Variants in SDK1 observed in about 807,000 individuals in gnomAD.
The protein encoded by SDK1 is protein sidekick-1.
Under a neutral mutation model 245.5 loss-of-function variants are expected in SDK1, and 157 were observed. That is an observed-to-expected ratio of 0.64 (90% CI 0.56 to 0.73). The LOEUF is 0.73. Among genes scored for constraint, SDK1 ranks in the 30% least tolerant of loss-of-function variants. SDK1 has a pLI of 0.00. For synonymous variants in SDK1, 1,647 were observed against 1,278.5 expected (o/e 1.29, Z -6.15); for missense variants, 3,583 against 3,002.3 (o/e 1.19, Z -4.52).
At chr7:3,669,552 C>A (rs746195792) in intron 4 of SDK1, among the ~76,000 whole-genome samples, 10 of 152,064 alleles carry the variant, frequency 6.6e-5, no homozygotes, top group Admixed American at 3.9e-4. Flanking sequence ...CTCATTTTTT[C>A]TGGCTCTCTT....
At chr7:3,319,878 C>CTTTTTTTTTTTTTTTTTTTTTTTTTTTTG in intron 1 of SDK1, among the ~76,000 whole-genome samples, 1 of 88,100 alleles carries the variant, frequency 1.1e-5, no homozygotes. Context: ...CATTCTTAGT[C>CTTTTTTTTTTTTTTTTTTTTTTTTTTTTG]TTTTTTTTTT....
At chr7:3,787,183 C>CACAT in intron 4 of SDK1, among the ~76,000 whole-genome samples, 1 of 151,724 alleles carries the variant, frequency 6.6e-6, no homozygotes, top group South Asian at 2.1e-4. Context: ...CACACACACA[C>CACAT]ACACTCCCAT....
At chr7:3,507,536 G>A (rs1562528923) in intron 1 of SDK1, among the ~76,000 whole-genome samples, 1 of 152,156 alleles carries the variant, frequency 6.6e-6, no homozygotes, top group South Asian at 2.1e-4. Context: ...CTGATCTAGT[G>A]CTAGTTACTC....
chr7:3,924,777 C>T (rs1279844370), intron 5 of SDK1, among the ~76,000 whole-genome samples: 2 of 152,192 alleles, frequency 1.3e-5, no homozygotes, highest in African/African-American at 4.8e-5. Flanking sequence ...CCGTCGCCCT[C>T]CTCCTAGCTG....
At chr7:4,181,390 G>A (rs1782595134) in intron 35 of SDK1, among the ~76,000 whole-genome samples, 1 of 152,234 alleles carries the variant, frequency 6.6e-6, no homozygotes, top group African/African-American at 2.4e-5. Flanking sequence ...TTGTGAGTGT[G>A]CTGCTGTGAG....
At chr7:4,016,621 A>G (rs1426345592) in intron 16 of SDK1, among the ~76,000 whole-genome samples, 2 of 152,236 alleles carry the variant, frequency 1.3e-5, no homozygotes, top group East Asian at 3.8e-4. Flanking sequence ...GGTCTTCTAC[A>G]AAGCAATTTG....
At chr7:3,850,788 C>T (rs1780399665) in intron 5 of SDK1, among the ~76,000 whole-genome samples, 1 of 143,694 alleles carries the variant, frequency 7.0e-6, no homozygotes, top group African/African-American at 2.6e-5. Flanking sequence ...TGTTCTCACT[C>T]ATAGGTGGGA....
chr7:4,019,761 C>T (rs1313394297), intron 17 of SDK1, among the ~76,000 whole-genome samples: 9 of 152,122 alleles, frequency 5.9e-5, no homozygotes, highest in Admixed American at 5.2e-4. Context: ...TCATGGGTCT[C>T]GGAGGGCCCA....
chr7:3,695,823 G>C (rs1001690554), intron 4 of SDK1, among the ~76,000 whole-genome samples: 5 of 152,182 alleles, frequency 3.3e-5, no homozygotes, highest in African/African-American at 1.2e-4. Flanking sequence ...GGCAGAGGAA[G>C]ACCAGCAGTG....
chr7:3,974,661 C>T (rs1229940961), intron 13 of SDK1, 116 bp downstream of exon 13: 2 of 907,590 alleles, frequency 2.2e-6, no homozygotes, highest in African/African-American at 3.3e-5. Context: ...AGTCAGCGGT[C>T]AGAGGCCAGC....
rs17134102 is a variant in SDK1, at chr7:3,980,121, G to A, written c.1994+5576G>A. ...GATGGGTTTGACCAAGTCATCATTT[G>A]TGCATTAAAGGGCCAATGCTTTTTA... On this transcript the variant is annotated intron_variant, in intron 13 of 44. Coordinates refer to ENST00000404826, the MANE Select transcript of SDK1 (RefSeq NM_152744.4). Among the ~76,000 whole-genome samples the A allele has an allele frequency of 6.4e-3, 971 of 152,286 alleles. 11 individuals are homozygous for A. Among genetic ancestry groups the A allele is most frequent in the African/African-American group, 0.023 (936 of 41,540 alleles).
chr7:3,678,800 A>C (rs1175507307), intron 4 of SDK1, among the ~76,000 whole-genome samples: 1 of 152,232 alleles, frequency 6.6e-6, no homozygotes, highest in South Asian at 2.1e-4. Flanking sequence ...ATTTTACCAC[A>C]GTTTTTTAAA....
chr7:4,091,022 C>T (rs1169033257), intron 22 of SDK1, among the ~76,000 whole-genome samples: 2 of 152,228 alleles, frequency 1.3e-5, no homozygotes, highest in South Asian at 2.1e-4. Context: ...TGCTTGGACA[C>T]CATTCTGCTT....
Position 4,266,135 on chromosome 7 carries a change from G to A in SDK1, c.*751G>A, listed in dbSNP as rs1282223297. 3 of 985,394 alleles carry A rather than the reference G, an allele frequency of 3.0e-6. No homozygotes were observed. The highest frequency in any genetic ancestry group is 6.1e-5 in the Admixed American group (1 of 16,274). The allele number at this position is 985,394 out of a possible 1,614,324, so 61.0% of individuals were successfully genotyped here. On this transcript the variant is annotated 3_prime_UTR_variant, in exon 45 of 45. Coordinates refer to ENST00000404826, the MANE Select transcript of SDK1 (RefSeq NM_152744.4). The stretch of plus-strand genomic sequence containing the variant: ...GCCTCTTAGGGCTGGAAGCCACCAC[G>A]CTGGCCCTCTCCTTCCCCGAACACA...
chr7:3,781,458 AAGGCCAGAAAAGGG>A (rs1780734647), intron 4 of SDK1, among the ~76,000 whole-genome samples: 1 of 152,178 alleles, frequency 6.6e-6, no homozygotes, highest in African/African-American at 2.4e-5. Context: ...AACACCTGTA[AAGGCCAGAAAAGGG>A]GACTGTCTTC....
chr7:3,786,121 CTCTT>C (rs1780892794), intron 4 of SDK1, among the ~76,000 whole-genome samples: 1 of 152,064 alleles, frequency 6.6e-6, no homozygotes, highest in Non-Finnish European at 1.5e-5. Context: ...CTTGTTTGTT[CTCTT>C]TCTTTTGGGT....
chr7:4,222,108 A>C (rs1477185664), intron 40 of SDK1, among the ~76,000 whole-genome samples: 1 of 152,220 alleles, frequency 6.6e-6, no homozygotes, highest in Non-Finnish European at 1.5e-5. Context: ...CAAACCATCA[A>C]ACCCCACCTG....
chr7:3,444,633 C>T (rs1780293417), intron 1 of SDK1, among the ~76,000 whole-genome samples: 1 of 152,184 alleles, frequency 6.6e-6, no homozygotes, highest in South Asian at 2.1e-4. Context: ...CCCCACCTCT[C>T]TGTCCCCTCT....
At chr7:3,915,464 A>T (rs1329044099) in intron 5 of SDK1, among the ~76,000 whole-genome samples, 1 of 152,166 alleles carries the variant, frequency 6.6e-6, no homozygotes, top group African/African-American at 2.4e-5. Context: ...AACAAGTCTC[A>T]TGAGATCGGA....
Sources: gnomAD v4.1 joint callset for allele counts (sites outside exome capture counted in the v4.1 genomes callset) on GRCh38, gnomAD v4.1.1 for gene constraint, MANE v1.5 for transcripts, NCBI Gene and HGNC (gene_info 2026-07-23, HGNC 2026-07-21) for gene names.